GRM5: variants seen among roughly 807,000 people sequenced by gnomAD.
The protein encoded by GRM5 is metabotropic glutamate receptor 5.
In GRM5, 19 loss-of-function variants were observed where a neutral mutation model predicts 83.1. The ratio of observed to expected loss-of-function variants is 0.23; its 90% confidence interval spans 0.16 to 0.34. The LOEUF (loss-of-function observed/expected upper bound fraction) is 0.34, where lower values mean the gene tolerates loss of function less well. Among genes scored for constraint, GRM5 ranks in the 10% least tolerant of loss-of-function variants. The probability of loss-of-function intolerance (pLI) is 1.00; values close to 1 mark genes in which losing one functional copy is unlikely to be tolerated. For synonymous variants in GRM5, 675 were observed against 633.6 expected (o/e 1.07, Z -0.98); for missense variants, 1,160 against 1,588.3 (o/e 0.73, Z 4.58).
rs201488974 is a variant in GRM5 at position 88,653,209 on chromosome 11, C to A, written c.1106G>T (p.Gly369Val). The change falls in exon 4 of 10, where the codon GGG becomes GTG. Residue 369 changes from glycine to valine, a missense_variant. By Grantham distance (109) the Gly-to-Val change is moderately radical (BLOSUM62 -3). Transcript: ENST00000305447. Reference protein sequence around the residue: ...WQHRFQCRLEGFPQENSKYNK... With the variant: ...WQHRFQCRLEVFPQENSKYNK... Reference sequence around the variant, plus strand: ...GTATTTGCTGTTCTCCTGTGGAAACCCTTCCAGTCGGCACTGAAAACGATG... The same window carrying A: ...GTATTTGCTGTTCTCCTGTGGAAACACTTCCAGTCGGCACTGAAAACGATG... 59 of 1,612,216 alleles carry A rather than the reference C, an allele frequency of 3.7e-5. No individual in the cohort carries two copies. The highest frequency in any genetic ancestry group is 4.9e-5 in the Non-Finnish European group (58 of 1,178,730).
At chr11:88,941,647 T>C (rs12275987) in intron 2 of GRM5, among the ~76,000 whole-genome samples, 4,886 of 151,692 alleles carry the variant, frequency 0.032, 260 homozygotes, top group African/African-American at 0.11. Flanking sequence ...CAACTGTAAA[T>C]GTAGAACAAC....
intron 2 of GRM5, among the ~76,000 whole-genome samples, chr11:88,894,094 T>C (rs1416063580): frequency 6.6e-6 from 1 of 151,912 alleles, no homozygotes; most frequent in African/African-American, 2.4e-5. Context: ...CTCCATCTTC[T>C]CTTCTCTGTT....
intron 3 of GRM5, among the ~76,000 whole-genome samples, chr11:88,692,842 G>A (rs1940812398): frequency 6.6e-6 from 1 of 152,122 alleles, no homozygotes; most frequent in Non-Finnish European, 1.5e-5. Flanking sequence ...CACCCTCCAT[G>A]CCTCCATCCT....
At chr11:88,761,375 T>C (rs1040939466) in intron 3 of GRM5, among the ~76,000 whole-genome samples, 1 of 151,934 alleles carries the variant, frequency 6.6e-6, no homozygotes, top group South Asian at 2.1e-4. Context: ...AAACCAACAT[T>C]AAAATGTTCA....
At chr11:88,798,820 A>AAAAAAAAAAAAAAAAAAAC (rs1555017418) in intron 3 of GRM5, among the ~76,000 whole-genome samples, 5 of 136,296 alleles carry the variant, frequency 3.7e-5, no homozygotes, top group African/African-American at 8.3e-5. Flanking sequence ...AAAAAAAAAA[A>AAAAAAAAAAAAAAAAAAAC]AAAAAAACAA....
intron 4 of GRM5, among the ~76,000 whole-genome samples, chr11:88,631,795 G>A (rs1390858606): frequency 6.6e-6 from 1 of 152,094 alleles, no homozygotes; most frequent in East Asian, 1.9e-4. Context: ...ACATCCCTTT[G>A]TAAAGTAAAT....
At chr11:88,761,403 C>A (rs1290593050) in intron 3 of GRM5, among the ~76,000 whole-genome samples, 2 of 152,064 alleles carry the variant, frequency 1.3e-5, no homozygotes, top group South Asian at 2.1e-4. Context: ...TCCTAAACAC[C>A]AACAACCATC....
At chr11:88,748,545 T>A (rs1942191832) in intron 3 of GRM5, among the ~76,000 whole-genome samples, 1 of 152,090 alleles carries the variant, frequency 6.6e-6, no homozygotes, top group Non-Finnish European at 1.5e-5. Context: ...GTGGTCTGGA[T>A]GAGAAAGGGT....
chr11:88,671,901 ATGGTTTC>A (rs1460263353), intron 3 of GRM5, among the ~76,000 whole-genome samples: 3 of 152,066 alleles, frequency 2.0e-5, no homozygotes, highest in Non-Finnish European at 4.4e-5. Flanking sequence ...ACTACACATC[ATGGTTTC>A]TGTGCTCTTT....
At chr11:88,538,098 GA>G (rs749412993) in intron 8 of GRM5, among the ~76,000 whole-genome samples, 16,517 of 125,730 alleles carry the variant, frequency 0.13, 1,168 homozygotes, top group Non-Finnish European at 0.19. Context: ...ATAGAAAACA[GA>G]AAAAAAAAAA....
At chr11:89,015,361 T>C (rs1414505417) in intron 2 of GRM5, among the ~76,000 whole-genome samples, 3 of 152,214 alleles carry the variant, frequency 2.0e-5, no homozygotes, top group Non-Finnish European at 4.4e-5. Flanking sequence ...GCTATCACCT[T>C]GGTGGCACTC....
Position 88,737,827 on chromosome 11 carries a change from C to A in GRM5, c.912-84424G>T, listed in dbSNP as rs535513331. Reference sequence around the variant, plus strand: ...CATTTAAACAGATTTAAAAGACAAACTGAAATTTAGCTTTAAAATAACTTT... The same window carrying A: ...CATTTAAACAGATTTAAAAGACAAAATGAAATTTAGCTTTAAAATAACTTT... On this transcript the variant is annotated intron_variant, in intron 3 of 9. Coordinates refer to ENST00000305447, the MANE Select transcript of GRM5 (RefSeq NM_001143831.3). 3.3e-5 allele frequency among the ~76,000 whole-genome samples: 5 copies of A among 152,154 alleles called. No individual in the cohort carries two copies. In the South Asian group the frequency reaches 8.3e-4, roughly 25 times the overall value.
At position 88,632,530 on chromosome 11, in the gene GRM5, GTGT is replaced by G. The variant is rs577138271; in HGVS notation, c.1147+20635_1147+20637del. 1.2e-4 allele frequency among the ~76,000 whole-genome samples: 18 copies of G among 152,102 alleles called. No homozygotes were observed. In the South Asian group the frequency reaches 3.7e-3, roughly 32 times the overall value. ...ACTCATAATTATTTTGATTTTTGCT[GTGT>G]TGTTGGGTGTATTAATTGGTCATTC... On this transcript the variant is annotated intron_variant, in intron 4 of 9. Transcript: ENST00000305447.
At chr11:88,746,570 CAAAA>C (rs11302390) in intron 3 of GRM5, among the ~76,000 whole-genome samples, 45 of 147,520 alleles carry the variant, frequency 3.1e-4, no homozygotes, top group African/African-American at 1.0e-3. Flanking sequence ...ATTCTGGAGA[CAAAA>C]AAAAAAAAAT....
intron 3 of GRM5, among the ~76,000 whole-genome samples, chr11:88,718,668 G>C (rs1266148643): frequency 6.6e-6 from 1 of 151,798 alleles, no homozygotes; most frequent in Non-Finnish European, 1.5e-5. Context: ...ATTCCTCATA[G>C]GCTCAGTTCA....
intron 2 of GRM5, among the ~76,000 whole-genome samples, chr11:88,947,954 C>T (rs539438080): frequency 2.6e-5 from 4 of 152,140 alleles, no homozygotes; most frequent in South Asian, 2.1e-4. Context: ...GATAGTGTAG[C>T]GGTTGGCTTT....
chr11:88,894,828 TTG>T (rs1301655936), intron 2 of GRM5, among the ~76,000 whole-genome samples: 1 of 151,950 alleles, frequency 6.6e-6, no homozygotes, highest in Non-Finnish European at 1.5e-5. Context: ...AACACATTTT[TTG>T]TCTCTCTGCT....
chr11:88,936,618 C>T (rs762258604), intron 2 of GRM5, among the ~76,000 whole-genome samples: 4 of 151,698 alleles, frequency 2.6e-5, no homozygotes, highest in Non-Finnish European at 5.9e-5. Flanking sequence ...AGAACAAATA[C>T]TTGATATGAA....
In GRM5 at chr11:88,738,665, C is replaced by G. The variant is rs991325871; in HGVS notation, c.912-85262G>C. Among the ~76,000 whole-genome samples the G allele has an allele frequency of 2.6e-5, 4 of 152,216 alleles. No homozygotes were observed. The East Asian group carries it at 7.7e-4, about 29-fold the overall frequency. On this transcript the variant is annotated intron_variant, in intron 3 of 9. Coordinates refer to ENST00000305447, the MANE Select transcript of GRM5 (RefSeq NM_001143831.3). Reference sequence around the variant, plus strand: ...GGATATGCCCTGATCCTTCCTTCCACCTCATCTAACACAGTCACTCTTATA... The same window carrying G: ...GGATATGCCCTGATCCTTCCTTCCAGCTCATCTAACACAGTCACTCTTATA...
Sources: allele counts gnomAD v4.1 joint callset (sites outside exome capture counted in the v4.1 genomes callset), GRCh38; gene constraint gnomAD v4.1.1; transcripts MANE v1.5; gene names NCBI Gene and HGNC (gene_info 2026-07-23, HGNC 2026-07-21).